SDCCAG8: variants seen among roughly 807,000 people sequenced by gnomAD.
SDCCAG8 encodes serologically defined colon cancer antigen 8.
In SDCCAG8, 74 loss-of-function variants were observed where a neutral mutation model predicts 101.8. That is an observed-to-expected ratio of 0.73 (90% CI 0.60 to 0.88). The LOEUF (loss-of-function observed/expected upper bound fraction) is 0.88, where lower values mean the gene tolerates loss of function less well. SDCCAG8 is among the 40% of genes least tolerant of loss of function. SDCCAG8 has a pLI of 0.00. For missense variants in SDCCAG8, 787 were observed against 822.6 expected, an observed-to-expected ratio of 0.96 and a Z score of 0.53; for synonymous variants, 281 against 292.9, an observed-to-expected ratio of 0.96 and a Z score of 0.41.
intron 17 of SDCCAG8, among the ~76,000 whole-genome samples, chr1:243,499,508 C>A (rs529956579): frequency 6.6e-6 from 1 of 152,298 alleles, no homozygotes; most frequent in East Asian, 1.9e-4. Context: ...AAGAGGCAGG[C>A]GTGTCTTTTG....
At position 243,270,000 on chromosome 1, in the gene SDCCAG8, T is replaced by G; in HGVS notation, c.68-105T>G. The G allele has an allele frequency of 2.7e-6, 4 of 1,496,178 alleles. No individual in the cohort carries two copies. The African/African-American group carries it at 4.1e-5, about 15-fold the overall frequency. 92.7% of individuals were successfully genotyped at this position (1,496,178 alleles called of 1,614,324 possible). ...AGAACTCTGCGTTTTTTCCATAAAGTACGAGAAATAATGATTTCACCTTTA... is the reference window on the plus strand; with the variant it reads ...AGAACTCTGCGTTTTTTCCATAAAGGACGAGAAATAATGATTTCACCTTTA... On this transcript the variant is annotated intron_variant, in intron 1 of 17. Coordinates refer to ENST00000366541, the MANE Select transcript of SDCCAG8 (RefSeq NM_006642.5).
chr1:243,293,159 A>AT lies in SDCCAG8; in HGVS notation c.619dup (p.Ser207PhefsTer3). ...GGGTGGGCGAAACCTCCAAAAGACC[A>AT]TTTTCCCATGACAATGCAGATTTTG... On this transcript the variant is annotated frameshift_variant, in exon 6 of 18. Coordinates refer to ENST00000366541, the MANE Select transcript of SDCCAG8 (RefSeq NM_006642.5). LOFTEE classifies it high-confidence loss of function. 1 of 1,614,066 alleles carries AT rather than the reference A, an allele frequency of 6.2e-7. No homozygotes were observed. The highest frequency in any genetic ancestry group is 1.7e-5 in the Admixed American group (1 of 60,022).
At chr1:243,442,350 AGT>A (rs1288911199) in intron 16 of SDCCAG8, among the ~76,000 whole-genome samples, 3 of 152,142 alleles carry the variant, frequency 2.0e-5, no homozygotes, top group African/African-American at 7.2e-5. Flanking sequence ...TGCCTGTGAT[AGT>A]AAGAATGGAG....
At chr1:243,386,024 G>A (rs1263306512) in intron 13 of SDCCAG8, among the ~76,000 whole-genome samples, 8 of 152,160 alleles carry the variant, frequency 5.3e-5, no homozygotes, top group Admixed American at 2.0e-4. Context: ...GTGGTACCAC[G>A]CTACATGTAG....
chr1:243,487,008 C>T (rs1312318553), intron 16 of SDCCAG8, among the ~76,000 whole-genome samples: 1 of 152,226 alleles, frequency 6.6e-6, no homozygotes. Flanking sequence ...CTTAGGGTTC[C>T]AGAGCTCAAG....
At position 243,305,414 on chromosome 1, in the gene SDCCAG8, A is replaced by T. The variant is rs373594647; in HGVS notation, c.740+637A>T. The T allele has an allele frequency of 5.3e-5, 8 of 152,022 alleles. No homozygotes were observed. The East Asian group carries it at 5.8e-4, about 11-fold the overall frequency. The allele number at this position is 152,022 out of a possible 1,614,324, so 9.4% of individuals were successfully genotyped here. On this transcript the variant is annotated intron_variant, in intron 7 of 17. Coordinates refer to ENST00000366541, the MANE Select transcript of SDCCAG8 (RefSeq NM_006642.5). ...GCACTTTAGTTTTCAAATTATTAGT[A>T]TTTTTTCTCTGTAGATAGTCTTCAT...
chr1:243,262,026 T>C (rs1452475720), intron 1 of SDCCAG8, among the ~76,000 whole-genome samples: 1 of 151,904 alleles, frequency 6.6e-6, no homozygotes, highest in Admixed American at 6.6e-5. Flanking sequence ...GTCAGGCTGG[T>C]CTCAAACTCC....
At chr1:243,348,818 C>CAAAAAAAAAAA (rs34405078) in intron 12 of SDCCAG8, among the ~76,000 whole-genome samples, 1 of 131,238 alleles carries the variant, frequency 7.6e-6, no homozygotes, top group African/African-American at 2.9e-5. Context: ...ACTAAAAATA[C>CAAAAAAAAAAA]AAAAAAAAAA....
chr1:243,270,276 C>T lies in SDCCAG8; in HGVS notation c.220+19C>T. On this transcript the variant is annotated intron_variant, in intron 2 of 17. Coordinates refer to ENST00000366541, the MANE Select transcript of SDCCAG8 (RefSeq NM_006642.5). ...CATGCTGGTGAGTGTGAATGTCAAT[C>T]CTAGTCTGAATGATGCATAGTGAAT... The T allele has an allele frequency of 6.2e-7, 1 of 1,612,192 alleles. No individual in the cohort carries two copies. Among genetic ancestry groups the T allele is most frequent in the Non-Finnish European group, 8.5e-7 (1 of 1,178,492 alleles).
At chr1:243,318,984 G>A (rs2149334396) in intron 9 of SDCCAG8, among the ~76,000 whole-genome samples, 1 of 152,232 alleles carries the variant, frequency 6.6e-6, no homozygotes, top group East Asian at 1.9e-4. Flanking sequence ...TGTTGTGCAG[G>A]CTGCATACGA....
chr1:243,372,954 C>CCA (rs1553331889), intron 12 of SDCCAG8, among the ~76,000 whole-genome samples: 10 of 131,734 alleles, frequency 7.6e-5, no homozygotes, highest in Admixed American at 1.5e-4. Context: ...CTATATCTAT[C>CCA]TATATATATA....
At chr1:243,367,372 T>A (rs977466289) in intron 12 of SDCCAG8, among the ~76,000 whole-genome samples, 1 of 152,114 alleles carries the variant, frequency 6.6e-6, no homozygotes, top group African/African-American at 2.4e-5. Context: ...ATACAGCTAG[T>A]GTAGCATGAG....
chr1:243,314,457 A>G (rs986559995), intron 8 of SDCCAG8, among the ~76,000 whole-genome samples: 3 of 152,222 alleles, frequency 2.0e-5, no homozygotes, highest in Admixed American at 1.3e-4. Flanking sequence ...AGATCATGAA[A>G]TATTAGAACT....
At chr1:243,300,736 C>G (rs955127643) in intron 6 of SDCCAG8, among the ~76,000 whole-genome samples, 2 of 152,182 alleles carry the variant, frequency 1.3e-5, no homozygotes, top group African/African-American at 4.8e-5. Flanking sequence ...GTGAGGCCTT[C>G]TTTACTTATC....
At chr1:243,329,780 T>C (rs1336291510) in intron 9 of SDCCAG8, among the ~76,000 whole-genome samples, 1 of 152,220 alleles carries the variant, frequency 6.6e-6, no homozygotes, top group Non-Finnish European at 1.5e-5. Context: ...ATTTCATTAT[T>C]GGGTGTTATA....
At chr1:243,258,280 A>T (rs529589201) in intron 1 of SDCCAG8, among the ~76,000 whole-genome samples, 14 of 152,348 alleles carry the variant, frequency 9.2e-5, no homozygotes, top group African/African-American at 3.1e-4. Flanking sequence ...TCATTTATTT[A>T]GTAGCACTTT....
chr1:243,330,489 A>T, intron 9 of SDCCAG8, 51 bp from the exon 10 acceptor site: 1 of 1,588,102 alleles, frequency 6.3e-7, no homozygotes, highest in Non-Finnish European at 8.6e-7. Flanking sequence ...CATTTTACCT[A>T]TATTTTTTCC....
intron 6 of SDCCAG8, among the ~76,000 whole-genome samples, chr1:243,293,923 G>A (rs999283474): frequency 7.2e-5 from 11 of 152,002 alleles, no homozygotes; most frequent in African/African-American, 2.7e-4. Flanking sequence ...GCTCAAATCT[G>A]CTCTTGAATA....
intron 9 of SDCCAG8, among the ~76,000 whole-genome samples, chr1:243,318,886 G>T (rs184059540): frequency 1.3e-5 from 2 of 152,162 alleles, no homozygotes; most frequent in African/African-American, 4.8e-5. Flanking sequence ...TTAAGCTACC[G>T]CTCTGTGTTA....
Sources: allele counts gnomAD v4.1 joint callset (sites outside exome capture counted in the v4.1 genomes callset), GRCh38; gene constraint gnomAD v4.1.1; transcripts MANE v1.5; gene names NCBI Gene and HGNC (gene_info 2026-07-23, HGNC 2026-07-21).